GRM5: variants seen among roughly 807,000 people sequenced by gnomAD.
The protein encoded by GRM5 is metabotropic glutamate receptor 5.
A neutral mutation model predicts 83.1 loss-of-function variants in GRM5; 19 were observed. The ratio of observed to expected loss-of-function variants is 0.23; its 90% CI spans 0.16 to 0.34. GRM5 has a LOEUF of 0.34. Among genes scored for constraint, GRM5 ranks in the 10% least tolerant of loss-of-function variants. The probability of loss-of-function intolerance (pLI) is 1.00; values close to 1 mark genes in which losing one functional copy is unlikely to be tolerated. For missense variants in GRM5, 1,160 were observed against 1,588.3 expected, an observed-to-expected ratio of 0.73 and a Z score of 4.58; for synonymous variants, 675 against 633.6, an observed-to-expected ratio of 1.07 and a Z score of -0.98.
At chr11:88,791,450 T>G (rs536594500) in intron 3 of GRM5, among the ~76,000 whole-genome samples, 153 of 152,308 alleles carry the variant, frequency 1.0e-3, no homozygotes, top group African/African-American at 3.6e-3. Context: ...GCTGAGCTGC[T>G]ACTGCTAATG....
intron 2 of GRM5, among the ~76,000 whole-genome samples, chr11:88,919,620 T>C (rs1407016843): frequency 2.6e-5 from 4 of 151,814 alleles, no homozygotes; most frequent in East Asian, 1.9e-4. Context: ...AGCACATACA[T>C]CATGCTCAAG....
chr11:89,049,175 C>A (rs1842311912), intron 1 of GRM5, among the ~76,000 whole-genome samples: 1 of 152,094 alleles, frequency 6.6e-6, no homozygotes, highest in East Asian at 1.9e-4. Flanking sequence ...GAAAAACATT[C>A]CACATCACTA....
intron 6 of GRM5, among the ~76,000 whole-genome samples, chr11:88,593,256 A>C (rs1342237129): frequency 6.6e-6 from 1 of 152,240 alleles, no homozygotes; most frequent in Non-Finnish European, 1.5e-5. Context: ...TCGCTGTTAA[A>C]CCATATTAAG....
intron 3 of GRM5, among the ~76,000 whole-genome samples, chr11:88,828,429 A>G (rs11021488): frequency 0.026 from 3,885 of 152,228 alleles, 176 homozygotes; most frequent in African/African-American, 0.089. Context: ...GGGCATATAT[A>G]TATTTTTCTT....
chr11:88,933,976 T>G (rs548376), intron 2 of GRM5, among the ~76,000 whole-genome samples: 148,813 of 151,678 alleles, frequency 0.98, 73,065 homozygotes, highest in East Asian at 1. Context: ...AAAAGAAAAG[T>G]ACTTTTAAGG....
At chr11:88,778,884 C>T (rs1011895459) in intron 3 of GRM5, among the ~76,000 whole-genome samples, 4 of 152,170 alleles carry the variant, frequency 2.6e-5, no homozygotes, top group Non-Finnish European at 5.9e-5. Context: ...AGTTCAAATA[C>T]ATTTTACATA....
intron 6 of GRM5, among the ~76,000 whole-genome samples, chr11:88,591,285 G>A (rs944365806): frequency 1.8e-4 from 27 of 152,248 alleles, no homozygotes; most frequent in African/African-American, 6.5e-4. Context: ...CTCTTTCTAC[G>A]AAAAATCTGA....
chr11:88,763,197 T>C (rs1268556062), intron 3 of GRM5, among the ~76,000 whole-genome samples: 1 of 151,794 alleles, frequency 6.6e-6, no homozygotes, highest in Non-Finnish European at 1.5e-5. Flanking sequence ...GTGAGGGAGA[T>C]ATTAAGACAT....
rs181467251 is a variant in GRM5, at chr11:88,751,610, C to T, written c.912-98207G>A. 4.5e-3 allele frequency among the ~76,000 whole-genome samples: 682 copies of T among 152,226 alleles called. 2 individuals carry two copies. Among genetic ancestry groups the T allele is most frequent in the South Asian group, 0.015 (71 of 4,816 alleles). On this transcript the variant is annotated intron_variant, in intron 3 of 9. Transcript: ENST00000305447. ...CTCCCCGTTAAGTCATTCTATGAGG[C>T]CAGCATCATCCTGACACCAAAACCT...
In GRM5 at chr11:88,850,992, A is replaced by T. The variant is rs316086; in HGVS notation, c.662-837T>A. The stretch of plus-strand genomic sequence containing the variant: ...GATGTAGCTATTATGGGCTCCATTC[A>T]ATACATAGATCAGAAAACAGAGCAG... On this transcript the variant is annotated intron_variant, in intron 2 of 9. Transcript: ENST00000305447. Among the ~76,000 whole-genome samples, 6 of 151,940 alleles carry T rather than the reference A, an allele frequency of 3.9e-5. No homozygotes were observed. The East Asian group carries it at 7.8e-4, about 20-fold the overall frequency.
chr11:88,851,519 T>C (rs1944389678), intron 2 of GRM5, among the ~76,000 whole-genome samples: 1 of 152,220 alleles, frequency 6.6e-6, no homozygotes, highest in Non-Finnish European at 1.5e-5. Context: ...TTATATATGT[T>C]AGCTCACTGC....
chr11:88,550,104 C>A (rs1024318480), intron 8 of GRM5, among the ~76,000 whole-genome samples: 3 of 151,888 alleles, frequency 2.0e-5, no homozygotes, highest in Non-Finnish European at 2.9e-5. Context: ...CAGCTTTTAT[C>A]CAGAGAAGAA....
chr11:88,885,306 G>GCT (rs1366760856), intron 2 of GRM5, among the ~76,000 whole-genome samples: 2 of 151,422 alleles, frequency 1.3e-5, no homozygotes, highest in East Asian at 3.9e-4. Context: ...AGACACAAGT[G>GCT]GCAACTCAAT....
At chr11:88,774,897 T>TA (rs1436554007) in intron 3 of GRM5, among the ~76,000 whole-genome samples, 1 of 152,238 alleles carries the variant, frequency 6.6e-6, no homozygotes, top group African/African-American at 2.4e-5. Flanking sequence ...GATATTGGTC[T>TA]AAAATTCTCT....
intron 3 of GRM5, among the ~76,000 whole-genome samples, chr11:88,739,588 T>C (rs1941988327): frequency 6.6e-6 from 1 of 151,906 alleles, no homozygotes; most frequent in African/African-American, 2.4e-5. Context: ...TGGAAAGTGT[T>C]TGGATTATGG....
At chr11:89,056,065 A>G (rs1393937455) in intron 1 of GRM5, among the ~76,000 whole-genome samples, 1 of 152,208 alleles carries the variant, frequency 6.6e-6, no homozygotes, top group East Asian at 1.9e-4. Flanking sequence ...ATATTTAATT[A>G]TTCCTTATTG....
intron 3 of GRM5, among the ~76,000 whole-genome samples, chr11:88,674,879 G>A (rs1940284696): frequency 6.6e-6 from 1 of 151,790 alleles, no homozygotes; most frequent in African/African-American, 2.4e-5. Flanking sequence ...GGCTCTCTTT[G>A]TCTTTAAATA....
At chr11:88,825,093 C>T (rs1943871126) in intron 3 of GRM5, among the ~76,000 whole-genome samples, 1 of 151,988 alleles carries the variant, frequency 6.6e-6, no homozygotes, top group Non-Finnish European at 1.5e-5. Context: ...CCTTGGTCTG[C>T]CGTGTTTTCT....
intron 1 of GRM5, chr11:89,063,595 C>G (rs1490958603): frequency 1.3e-5 from 2 of 152,316 alleles, no homozygotes; most frequent in Non-Finnish European, 1.5e-5. Context: ...GCTTCCCCCC[C>G]AAGATGATCT....
Sources: gnomAD v4.1 joint callset for allele counts (sites outside exome capture counted in the v4.1 genomes callset) on GRCh38, gnomAD v4.1.1 for gene constraint, MANE v1.5 for transcripts, NCBI Gene and HGNC (gene_info 2026-07-23, HGNC 2026-07-21) for gene names.